The following SLC43A2 variants were observed in gnomAD, a reference collection of about 807,000 sequenced individuals.
SLC43A2 encodes the protein large neutral amino acids transporter small subunit 4.
A neutral mutation model predicts 63.2 loss-of-function variants in SLC43A2; 38 were observed. The ratio of observed to expected loss-of-function variants is 0.60; its 90% confidence interval spans 0.46 to 0.79. The LOEUF is 0.79. SLC43A2 is among the 30% of genes least tolerant of loss of function. The pLI is 0.00. For missense variants in SLC43A2, 644 were observed against 756.2 expected, an observed-to-expected ratio of 0.85 and a Z score of 1.74; for synonymous variants, 322 against 331.0, an observed-to-expected ratio of 0.97 and a Z score of 0.30.
At chr17:1,595,368 C>T (rs1905205141) in intron 5 of SLC43A2, among the ~76,000 whole-genome samples, 1 of 150,448 alleles carries the variant, frequency 6.6e-6, no homozygotes, top group South Asian at 2.1e-4. Context: ...ACTGCAGCCT[C>T]CAACTTGGCT....
chr17:1,610,991 C>T (rs970011178), intron 5 of SLC43A2, among the ~76,000 whole-genome samples: 3 of 151,936 alleles, frequency 2.0e-5, no homozygotes, highest in Non-Finnish European at 2.9e-5. Context: ...CAGGGACCCA[C>T]CACTGTGCCC....
At chr17:1,579,242 T>C (rs2075977708) in intron 11 of SLC43A2, among the ~76,000 whole-genome samples, 1 of 148,102 alleles carries the variant, frequency 6.8e-6, no homozygotes, top group Admixed American at 6.7e-5. Context: ...GGGTGGATCA[T>C]ATGAGGTCAG....
rs1907947375 is a variant in SLC43A2 at position 1,619,301 on chromosome 17, C to T, written c.161-2532G>A. ...TGGGCAACAGAGTGAGACCCCGTCT[C>T]GAAAAACAAAACAGAACAAAACAAA... On this transcript the variant is annotated intron_variant, in intron 2 of 13. Coordinates refer to ENST00000301335, the MANE Select transcript of SLC43A2 (RefSeq NM_152346.3). Among the ~76,000 whole-genome samples the T allele has an allele frequency of 2.0e-5, 3 of 152,088 alleles. No individual in the cohort carries two copies. In the South Asian group the frequency reaches 6.2e-4, roughly 32 times the overall value.
intron 2 of SLC43A2, 52 bp downstream of exon 2, chr17:1,627,661 CCT>C: frequency 3.5e-6 from 3 of 849,894 alleles, no homozygotes; most frequent in Non-Finnish European, 5.0e-6. Context: ...CATCCCGCCC[CCT>C]CCCAAAGCCC....
In SLC43A2 at chr17:1,591,734, A is replaced by AGGGGGGGGGGGGGGGGGGGGGGGGG. The variant is rs780559673; in HGVS notation, c.595-36_595-35insCCCCCCCCCCCCCCCCCCCCCCCCC. 6.4e-5 allele frequency: 19 copies of AGGGGGGGGGGGGGGGGGGGGGGGGG among 295,340 alleles called. 1 individual carries two copies. The highest frequency in any genetic ancestry group is 1.5e-4 in the Admixed American group (4 of 26,020). The allele number at this position is 295,340 out of a possible 1,614,324, so 18.3% of individuals were successfully genotyped here. A position where few individuals can be genotyped will look rare whatever the true frequency, so the allele number is the denominator to read the frequency against. On this transcript the variant is annotated intron_variant, in intron 6 of 13. Transcript: ENST00000301335. ...ACCGCGGGGACGGGGTGGGGGGGGG[A>AGGGGGGGGGGGGGGGGGGGGGGGGG]GGGGGCAGAGTTAGCCCGGGGAGGC...
At chr17:1,629,780 A>AG (rs1909010848), upstream of SLC43A2, among the ~76,000 whole-genome samples, 1 of 152,154 alleles carries the variant, frequency 6.6e-6, no homozygotes, top group Non-Finnish European at 1.5e-5. Flanking sequence ...GGTACAAGCT[A>AG]GGGAGGGTTC....
chr17:1,603,327 G>C (rs1906253326), intron 5 of SLC43A2: 1 of 152,026 alleles, frequency 6.6e-6, no homozygotes, highest in Non-Finnish European at 1.5e-5. Flanking sequence ...ATTCTGTTGT[G>C]ACCACACATT....
At chr17:1,627,635 G>A in intron 2 of SLC43A2, 80 bp downstream of exon 2, 2 of 965,476 alleles carry the variant, frequency 2.1e-6, no homozygotes, top group Non-Finnish European at 1.5e-6. Context: ...GCTGTGGCTC[G>A]CTAGGTCTTC....
rs752522248 is a variant in SLC43A2 at position 1,591,553 on chromosome 17, C to T, written c.728+13G>A. 2 of 1,558,470 alleles carry T rather than the reference C, an allele frequency of 1.3e-6. No individual in the cohort carries two copies. The highest frequency in any genetic ancestry group is 1.4e-5 in the African/African-American group (1 of 73,632). ...GGGCTGGGGGCAGGCGGGACGGGGG[C>T]ACCTCTACTTACGAGTAGTCCATGT... On this transcript the variant is annotated intron_variant, in intron 7 of 13. Transcript: ENST00000301335.
chr17:1,608,952 T>C (rs1266012188), intron 5 of SLC43A2, among the ~76,000 whole-genome samples: 2 of 152,126 alleles, frequency 1.3e-5, no homozygotes, highest in Admixed American at 1.3e-4. Flanking sequence ...CACTAAATAC[T>C]AATAATAATA....
intron 5 of SLC43A2, among the ~76,000 whole-genome samples, chr17:1,602,221 G>C (rs934914221): frequency 3.9e-5 from 6 of 152,228 alleles, no homozygotes; most frequent in African/African-American, 1.2e-4. Context: ...TGCCCAGGCT[G>C]GTCTTGAACT....
At chr17:1,621,909 TG>T (rs1908196075) in intron 2 of SLC43A2, among the ~76,000 whole-genome samples, 2 of 152,218 alleles carry the variant, frequency 1.3e-5, no homozygotes, top group Non-Finnish European at 2.9e-5. Context: ...GGGAAAAGGC[TG>T]CCCATGTGCC....
At position 1,583,634 on chromosome 17, in the gene SLC43A2, G is replaced by T. The variant is rs575374470; in HGVS notation, c.1218-298C>A. ...AGACGACGGGGAGAGAAGTAGCAGC[G>T]TGTGCCTGAGCTGGCACATGGCAAA... is the stretch of plus-strand genomic sequence containing the variant. On this transcript the variant is annotated intron_variant, in intron 10 of 13. Transcript: ENST00000301335. This position sits in a 1 kb window ranked among gnomAD's most constrained non-coding sequence, Gnocchi z 5.5. 3.1e-6 allele frequency: 1 copy of T among 325,750 alleles called. No homozygotes were observed. Among genetic ancestry groups the T allele is most frequent in the African/African-American group, 2.1e-5 (1 of 48,168 alleles). The allele number at this position is 325,750 out of a possible 1,614,324, so 20.2% of individuals were successfully genotyped here. A position where few individuals can be genotyped will look rare whatever the true frequency, so the allele number is the denominator to read the frequency against.
At chr17:1,601,589 G>A (rs1247163013) in intron 5 of SLC43A2, among the ~76,000 whole-genome samples, 1 of 151,572 alleles carries the variant, frequency 6.6e-6, no homozygotes, top group Non-Finnish European at 1.5e-5. Flanking sequence ...CCAAAACGAT[G>A]CAAAGGCGCT....
At position 1,593,275 on chromosome 17, in the gene SLC43A2, G is replaced by A; in HGVS notation, c.506C>T (p.Pro169Leu). The change falls in exon 6 of 14, where the codon CCC becomes CTC. Residue 169 changes from proline (P) to leucine (L), a missense_variant. By Grantham distance (98) the Pro-to-Leu change is moderately conservative. This residue lies in a region of SLC43A2 where 528 missense variants were observed against 623.6 expected (regional missense o/e 0.85). Transcript: ENST00000301335. The surrounding 1 kb of genome is among the most constrained non-coding windows in gnomAD (Gnocchi z 5.3). ...GGACCGAAGGTCGCCGAACATGTTG[G>A]GCAGCTGAGAGATAAGAAGCAGAGA... ...MCMTFTSLTL[P>L]NMFGDLRSTF... 1.2e-6 allele frequency: 2 copies of A among 1,613,628 alleles called. No homozygotes were observed. The highest frequency in any genetic ancestry group is 1.7e-6 in the Non-Finnish European group (2 of 1,179,844).
intron 5 of SLC43A2, among the ~76,000 whole-genome samples, chr17:1,595,411 C>T (rs574841095): frequency 1.6e-4 from 24 of 152,100 alleles, no homozygotes; most frequent in Non-Finnish European, 3.1e-4. Flanking sequence ...TCCCAAGTCA[C>T]TGGGACAACA....
chr17:1,613,302 G>C (rs764151640), intron 4 of SLC43A2, 31 bp from the exon 5 acceptor site: 1 of 1,608,430 alleles, frequency 6.2e-7, no homozygotes, highest in Non-Finnish European at 8.5e-7. Context: ...CGTGAGTGGA[G>C]ACCCCAGCTG....
At chr17:1,619,880 C>T (rs1281454647) in intron 2 of SLC43A2, among the ~76,000 whole-genome samples, 2 of 152,142 alleles carry the variant, frequency 1.3e-5, no homozygotes, top group African/African-American at 2.4e-5. Context: ...GCACAGGGGC[C>T]GTGGAATAAC....
At chr17:1,579,796 C>G (rs1195250013) in intron 11 of SLC43A2, among the ~76,000 whole-genome samples, 1 of 152,104 alleles carries the variant, frequency 6.6e-6, no homozygotes, top group Non-Finnish European at 1.5e-5. Flanking sequence ...AAGATCCCAC[C>G]ACTGCACTCG....
Sources: gnomAD v4.1 joint callset for allele counts (sites outside exome capture counted in the v4.1 genomes callset) on GRCh38, gnomAD v4.1.1 for gene constraint, gnomAD v4.1.1 regional missense constraint, Gnocchi (gnomAD v3.1) non-coding constraint, MANE v1.5 for transcripts, NCBI Gene and HGNC (gene_info 2026-07-23, HGNC 2026-07-21) for gene names.